The following GPHN variants were observed in gnomAD, a reference collection of about 807,000 sequenced individuals.
The protein encoded by GPHN is gephyrin.
Under a neutral mutation model 95.5 loss-of-function variants are expected in GPHN, and 17 were observed. The observed-to-expected ratio is 0.18, with a 90% CI of 0.12 to 0.27. GPHN has a LOEUF of 0.27. Among genes scored for constraint, GPHN ranks in the 10% least tolerant of loss-of-function variants. The pLI, the probability that GPHN is intolerant of heterozygous loss-of-function variation, is 1.00. For synonymous variants in GPHN, 320 were observed against 322.5 expected, an observed-to-expected ratio of 0.99 and a Z score of 0.08; for missense variants, 660 against 978.1, an observed-to-expected ratio of 0.67 and a Z score of 4.34.
chr14:66,814,579 A>G (rs1174457598), intron 3 of GPHN, among the ~76,000 whole-genome samples: 2 of 152,216 alleles, frequency 1.3e-5, no homozygotes, highest in Non-Finnish European at 2.9e-5. Context: ...ACAAGATTGG[A>G]TTCTTCCAGT....
chr14:67,198,327 C>A, the GPHN span: 1 of 1,609,830 alleles, frequency 6.2e-7, no homozygotes. Context: ...CCAGGTAAAT[C>A]ATATTCAAGG....
At position 66,677,552 on chromosome 14, in the gene GPHN, T is replaced by G. The variant is rs187454800; in HGVS notation, c.65-3555T>G. Reference sequence around the variant, plus strand: ...TTTTCTCTTTTTTTCTTGATTAATCTTATTAATTTTTGATTTTCATGTATT... The same window carrying G: ...TTTTCTCTTTTTTTCTTGATTAATCGTATTAATTTTTGATTTTCATGTATT... On this transcript the variant is annotated intron_variant, in intron 1 of 22. Transcript: ENST00000478722. 6.5e-3 allele frequency among the ~76,000 whole-genome samples: 990 copies of G among 152,186 alleles called. 15 individuals carry two copies. Among genetic ancestry groups the G allele is most frequent in the African/African-American group, 0.023 (943 of 41,560 alleles).
the GPHN span, among the ~76,000 whole-genome samples, chr14:67,603,920 A>G: frequency 2.0e-5 from 3 of 151,714 alleles, no homozygotes; most frequent in Admixed American, 1.3e-4. Context: ...ACCTCAGGTG[A>G]TCTGCCCGCC....
rs1441190710 is a variant in GPHN at position 67,112,885 on chromosome 14, T to C, written c.1473-133T>C. The C allele has an allele frequency of 6.7e-6, 5 of 746,292 alleles. No homozygotes were observed. In the African/African-American group the frequency reaches 7.0e-5, roughly 10 times the overall value. 46.2% of individuals were successfully genotyped at this position (746,292 alleles called of 1,614,324 possible). A position where few individuals can be genotyped will look rare whatever the true frequency, so the allele number is the denominator to read the frequency against. On this transcript the variant is annotated intron_variant, in intron 15 of 22. Coordinates refer to ENST00000478722, the MANE Select transcript of GPHN (RefSeq NM_020806.5). ...GGATTTTTAGAATCCCTTCAATTCA[T>C]TGTTTTCCTACTACTTTATTTCTAG...
chr14:67,163,630 A>C (rs2082090175), intron 19 of GPHN, among the ~76,000 whole-genome samples: 1 of 152,172 alleles, frequency 6.6e-6, no homozygotes, highest in African/African-American at 2.4e-5. Flanking sequence ...ATAAATCATC[A>C]AAAGAAGTCA....
chr14:67,322,367 C>A, the GPHN span, among the ~76,000 whole-genome samples: 2 of 151,962 alleles, frequency 1.3e-5, no homozygotes, highest in Non-Finnish European at 2.9e-5. Flanking sequence ...AACAAAAAAA[C>A]CTAATTTTAG....
chr14:67,164,572 A>C (rs1359197144), intron 19 of GPHN, among the ~76,000 whole-genome samples: 1 of 151,846 alleles, frequency 6.6e-6, no homozygotes, highest in Non-Finnish European at 1.5e-5. Flanking sequence ...GCTCACTGCA[A>C]CCTCTGCCTC....
chr14:67,418,700 A>G, the GPHN span, among the ~76,000 whole-genome samples: 1 of 152,154 alleles, frequency 6.6e-6, no homozygotes, highest in Non-Finnish European at 1.5e-5. Context: ...GGTAGAGGAT[A>G]CTGTCACCAC....
At chr14:67,327,170 CA>C in the GPHN span, among the ~76,000 whole-genome samples, 4 of 150,072 alleles carry the variant, frequency 2.7e-5, no homozygotes, top group Admixed American at 6.6e-5. Flanking sequence ...GTAAGACTCT[CA>C]AAAAAAAAGA....
chr14:67,260,396 CA>C, the GPHN span, among the ~76,000 whole-genome samples: 1 of 152,030 alleles, frequency 6.6e-6, no homozygotes, highest in African/African-American at 2.4e-5. Flanking sequence ...GATTTTCATT[CA>C]AAAAATATTT....
chr14:67,596,295 AT>A, the GPHN span, among the ~76,000 whole-genome samples: 47 of 60,222 alleles, frequency 7.8e-4, no homozygotes, highest in African/African-American at 2.9e-3. Flanking sequence ...CGCCCAGCTA[AT>A]TTTTTTTTTT....
At chr14:67,190,912 T>A in the GPHN span, among the ~76,000 whole-genome samples, 1 of 152,208 alleles carries the variant, frequency 6.6e-6, no homozygotes, top group Admixed American at 6.5e-5. Context: ...ACAGCTTTAA[T>A]GAGTGACAGG....
At chr14:66,788,936 C>T (rs1323686684) in intron 3 of GPHN, among the ~76,000 whole-genome samples, 2 of 152,194 alleles carry the variant, frequency 1.3e-5, no homozygotes, top group Non-Finnish European at 2.9e-5. Flanking sequence ...ACCTCAGCCT[C>T]CCAAATAAAC....
the GPHN span, among the ~76,000 whole-genome samples, chr14:67,411,136 CAAA>C: frequency 3.8e-5 from 2 of 52,062 alleles, no homozygotes; most frequent in Non-Finnish European, 4.1e-5. Flanking sequence ...GACCCTGTCT[CAAA>C]AAAAAAAAAA....
At chr14:67,305,286 AT>A in the GPHN span, among the ~76,000 whole-genome samples, 204 of 146,636 alleles carry the variant, frequency 1.4e-3, no homozygotes, top group Non-Finnish European at 1.3e-3. Context: ...AAGTTAAGAC[AT>A]TTTTTTTTTT....
the GPHN span, among the ~76,000 whole-genome samples, chr14:67,458,065 C>T: frequency 6.6e-6 from 1 of 152,118 alleles, no homozygotes; most frequent in Non-Finnish European, 1.5e-5. Flanking sequence ...TGGAGCTGGC[C>T]AATCCGTTGT....
chr14:66,995,320 G>C (rs951105742), intron 9 of GPHN, among the ~76,000 whole-genome samples: 2 of 152,154 alleles, frequency 1.3e-5, no homozygotes, highest in African/African-American at 4.8e-5. Flanking sequence ...TGATAAAATA[G>C]CTGTTCCAAA....
chr14:67,327,796 A>T, the GPHN span, among the ~76,000 whole-genome samples: 1 of 152,160 alleles, frequency 6.6e-6, no homozygotes, highest in Non-Finnish European at 1.5e-5. Context: ...AGCTTCATCC[A>T]TGTCCCTACA....
the GPHN span, chr14:67,387,194 C>T: frequency 1.3e-6 from 1 of 775,956 alleles, no homozygotes; most frequent in African/African-American, 1.8e-5. Context: ...ATCTGAGGAA[C>T]TCTTGGCAGC....
Sources: allele counts gnomAD v4.1 joint callset (sites outside exome capture counted in the v4.1 genomes callset), GRCh38; gene constraint gnomAD v4.1.1; transcripts MANE v1.5; gene names NCBI Gene and HGNC (gene_info 2026-07-23, HGNC 2026-07-21).